CEP83: variants seen among roughly 807,000 people sequenced by gnomAD.
CEP83 encodes the protein centrosomal protein 83.
In CEP83, 70 loss-of-function variants were observed where a neutral mutation model predicts 101.9. The observed-to-expected ratio is 0.69, with a 90% confidence interval of 0.57 to 0.84. The LOEUF is 0.84. Among genes scored for constraint, CEP83 ranks in the 40% least tolerant of loss-of-function variants. The probability of loss-of-function intolerance (pLI) is 0.00; values close to 1 mark genes in which losing one functional copy is unlikely to be tolerated. For missense variants in CEP83, 715 were observed against 787.2 expected (o/e 0.91, Z 1.10); for synonymous variants, 264 against 267.9 (o/e 0.99, Z 0.14).
downstream of CEP83, chr12:94,305,751 T>C (rs1968939013): frequency 6.5e-6 from 1 of 153,068 alleles, no homozygotes; most frequent in Non-Finnish European, 1.5e-5. Flanking sequence ...ACCTCGAGGA[T>C]TTGCAGCATT....
the CEP83 span, among the ~76,000 whole-genome samples, chr12:94,290,486 G>C: frequency 6.6e-6 from 1 of 152,248 alleles, no homozygotes; most frequent in Non-Finnish European, 1.5e-5. Context: ...GCAGAGGCCT[G>C]ATGGCCCCAG....
intron 16 of CEP83, 30 bp downstream of exon 16, chr12:94,309,885 CTTT>C (rs538847921): frequency 2.3e-6 from 3 of 1,310,972 alleles, no homozygotes; most frequent in Non-Finnish European, 3.1e-6. Flanking sequence ...AAATGTACGA[CTTT>C]TTTTTTCCCC....
the CEP83 span, among the ~76,000 whole-genome samples, chr12:94,281,537 C>G: frequency 6.6e-6 from 1 of 152,030 alleles, no homozygotes; most frequent in Non-Finnish European, 1.5e-5. Context: ...GTTCGATTTT[C>G]TTTTTTTAAA....
At chr12:94,292,819 A>G in the CEP83 span, among the ~76,000 whole-genome samples, 2 of 152,210 alleles carry the variant, frequency 1.3e-5, no homozygotes, top group Non-Finnish European at 2.9e-5. Flanking sequence ...AGCACCCACA[A>G]CGTTTCAGAT....
intron 11 of CEP83, among the ~76,000 whole-genome samples, chr12:94,357,306 C>T (rs1328138977): frequency 6.6e-6 from 1 of 152,114 alleles, no homozygotes; most frequent in African/African-American, 2.4e-5. Context: ...GGAAATACTC[C>T]ATTTCCTGGA....
intron 11 of CEP83, among the ~76,000 whole-genome samples, chr12:94,361,997 G>A (rs2060788734): frequency 1.3e-5 from 2 of 151,946 alleles, no homozygotes; most frequent in South Asian, 4.2e-4. Context: ...CATCATACCT[G>A]GCCCACCTGC....
chr12:94,325,103 G>A (rs377506757), intron 14 of CEP83, among the ~76,000 whole-genome samples: 3 of 151,694 alleles, frequency 2.0e-5, no homozygotes, highest in Admixed American at 1.3e-4. Flanking sequence ...CTGCTCAAAT[G>A]TTACCTTACC....
chr12:94,297,105 TG>T, the CEP83 span: 1 of 1,325,254 alleles, frequency 7.5e-7, no homozygotes, highest in Non-Finnish European at 1.1e-6. Context: ...ACAGCACAAA[TG>T]GGGCCTTTTA....
the CEP83 span, among the ~76,000 whole-genome samples, chr12:94,286,919 T>C: frequency 9.2e-5 from 14 of 152,182 alleles, no homozygotes; most frequent in African/African-American, 3.4e-4. Context: ...ATGACAAAAA[T>C]ATAGCATCTC....
intron 15 of CEP83, among the ~76,000 whole-genome samples, chr12:94,311,552 C>T (rs1166139333): frequency 2.0e-5 from 3 of 152,146 alleles, no homozygotes; most frequent in African/African-American, 7.2e-5. Context: ...ACCTGAATTA[C>T]AGGACACCTA....
intron 14 of CEP83, among the ~76,000 whole-genome samples, chr12:94,317,360 G>A (rs1970870211): frequency 1.3e-5 from 2 of 152,122 alleles, no homozygotes; most frequent in African/African-American, 4.8e-5. Context: ...CCATTCTGTA[G>A]GTTATCTGTC....
At chr12:94,303,905 A>C, downstream of CEP83, 1 of 1,609,424 alleles carries the variant, frequency 6.2e-7, no homozygotes, top group Non-Finnish European at 8.5e-7. Flanking sequence ...AGGTATCATT[A>C]GAAAGCAGAA....
At chr12:94,298,118 G>C in the CEP83 span, among the ~76,000 whole-genome samples, 1 of 152,238 alleles carries the variant, frequency 6.6e-6, no homozygotes, top group South Asian at 2.1e-4. Context: ...GCAGAGGACA[G>C]CCCAAGCCTC....
chr12:94,453,559 T>A (rs2067412911), intron 1 of CEP83, among the ~76,000 whole-genome samples: 1 of 152,206 alleles, frequency 6.6e-6, no homozygotes, highest in South Asian at 2.1e-4. Context: ...TGCTTGAGAC[T>A]TAGCACTATG....
At chr12:94,366,323 C>T (rs575753027) in intron 11 of CEP83, among the ~76,000 whole-genome samples, 2 of 152,046 alleles carry the variant, frequency 1.3e-5, no homozygotes, top group East Asian at 1.9e-4. Context: ...GAGAAAAATC[C>T]TAAGTAACTT....
At chr12:94,411,565 T>A (rs1414702858) in intron 4 of CEP83, 132 bp downstream of exon 4, 1 of 646,782 alleles carries the variant, frequency 1.5e-6, no homozygotes, top group Non-Finnish European at 2.7e-6. Context: ...GATTAAATTG[T>A]ACCACTTGGA....
intron 3 of CEP83, among the ~76,000 whole-genome samples, 192 bp downstream of exon 3, chr12:94,412,126 T>C (rs1199023897): frequency 1.3e-5 from 2 of 152,228 alleles, no homozygotes; most frequent in Non-Finnish European, 2.9e-5. Flanking sequence ...TATAAATTCA[T>C]AACCCACTTG....
At chr12:94,270,408 G>A in the CEP83 span, among the ~76,000 whole-genome samples, 1 of 152,196 alleles carries the variant, frequency 6.6e-6, no homozygotes, top group Non-Finnish European at 1.5e-5. Flanking sequence ...TTTGCAGAAA[G>A]TTTGTTGGCC....
At chr12:94,300,898 C>G in the CEP83 span, 3 of 1,607,678 alleles carry the variant, frequency 1.9e-6, no homozygotes, top group African/African-American at 4.0e-5. Context: ...AGATTATTCT[C>G]TCTTTGAACA....
Sources: allele counts gnomAD v4.1 joint callset (sites outside exome capture counted in the v4.1 genomes callset), GRCh38; gene constraint gnomAD v4.1.1; transcripts MANE v1.5; gene names NCBI Gene and HGNC (gene_info 2026-07-23, HGNC 2026-07-21).